The following EPB41L5 variants were observed in gnomAD, a reference collection of about 807,000 sequenced individuals.
The protein encoded by EPB41L5 is band 4.1-like protein 5.
EPB41L5 carries 55 observed loss-of-function variants against 106.6 expected under a neutral mutation model. The ratio of observed to expected loss-of-function variants is 0.52; its 90% confidence interval spans 0.42 to 0.65. The LOEUF (loss-of-function observed/expected upper bound fraction) is 0.65, where lower values mean the gene tolerates loss of function less well. EPB41L5 is among the 30% of genes least tolerant of loss of function. The pLI is 0.00. For synonymous variants in EPB41L5, 297 were observed against 306.7 expected (o/e 0.97, Z 0.33); for missense variants, 871 against 882.1 (o/e 0.99, Z 0.16).
chr2:120,115,198 T>A (rs560022622), intron 16 of EPB41L5, among the ~76,000 whole-genome samples: 2 of 152,348 alleles, frequency 1.3e-5, no homozygotes, highest in Admixed American at 6.5e-5. Flanking sequence ...TCATGTTTTT[T>A]AATTCATTTT....
intron 18 of EPB41L5, among the ~76,000 whole-genome samples, chr2:120,132,214 A>T (rs1403323734): frequency 6.6e-6 from 1 of 152,176 alleles, no homozygotes; most frequent in Non-Finnish European, 1.5e-5. Flanking sequence ...TTTGGCTATG[A>T]TTTTCTTATT....
intron 20 of EPB41L5, among the ~76,000 whole-genome samples, chr2:120,149,798 A>C (rs79085022): frequency 0.013 from 2,030 of 152,180 alleles, 36 homozygotes; most frequent in African/African-American, 0.047. Flanking sequence ...AGGAACTGCC[A>C]AACTGTTTTC....
chr2:120,128,007 A>G (rs1685534756), intron 17 of EPB41L5, 156 bp downstream of exon 17: 1 of 539,444 alleles, frequency 1.9e-6, no homozygotes, highest in Non-Finnish European at 3.0e-6. Flanking sequence ...GACTTAAGGT[A>G]ACACTGAAAT....
At position 120,164,823 on chromosome 2, in the gene EPB41L5, C is replaced by T. The variant is rs1169747975; in HGVS notation, c.1888-13C>T. On this transcript the variant is annotated splice_polypyrimidine_tract_variant and intron_variant, in intron 21 of 24. Transcript: ENST00000263713. ...GGGGTCATTTAACAATTCTAGATTC[C>T]TGTCTTCCATAGGAAGCTACAGATG... is the stretch of plus-strand genomic sequence containing the variant. The T allele has an allele frequency of 1.3e-6, 2 of 1,591,176 alleles. No homozygotes were observed. Among genetic ancestry groups the T allele is most frequent in the Admixed American group, 1.8e-5 (1 of 55,408 alleles).
chr2:120,097,857 A>G (rs1170919245), intron 14 of EPB41L5, among the ~76,000 whole-genome samples: 2 of 152,220 alleles, frequency 1.3e-5, no homozygotes, highest in African/African-American at 2.4e-5. Context: ...ATTTCATACA[A>G]TTTAAAACAG....
At chr2:120,051,317 C>G (rs1411580795) in intron 3 of EPB41L5, among the ~76,000 whole-genome samples, 1 of 152,196 alleles carries the variant, frequency 6.6e-6, no homozygotes, top group Non-Finnish European at 1.5e-5. Flanking sequence ...TTCAAGCTTC[C>G]TAGCAGCTTT....
chr2:120,076,469 A>AC (rs1682244267), intron 7 of EPB41L5, among the ~76,000 whole-genome samples: 4 of 24,256 alleles, frequency 1.6e-4, no homozygotes, highest in Admixed American at 4.2e-4. Flanking sequence ...TAATTTTTGT[A>AC]CTTTTTTTTT....
At chr2:120,127,666 A>C in intron 16 of EPB41L5, 22 bp from the exon 17 acceptor site, 1 of 1,551,198 alleles carries the variant, frequency 6.4e-7, no homozygotes, top group Non-Finnish European at 8.8e-7. Context: ...TGGTCTAAGT[A>C]AATTTTCTAT....
intron 1 of EPB41L5, among the ~76,000 whole-genome samples, chr2:120,014,761 C>T (rs939722910): frequency 1.1e-4 from 17 of 151,980 alleles, no homozygotes; most frequent in Admixed American, 2.0e-4. Context: ...AGCAAGAGTA[C>T]AAGAGCAGAG....
intron 16 of EPB41L5, 88 bp from the exon 17 acceptor site, chr2:120,127,600 T>C: frequency 9.7e-7 from 1 of 1,032,674 alleles, no homozygotes; most frequent in East Asian, 2.6e-5. Flanking sequence ...ACAGATGTGG[T>C]GGAAATTGCA....
intron 3 of EPB41L5, among the ~76,000 whole-genome samples, chr2:120,053,157 T>G (rs1162615639): frequency 1.3e-5 from 2 of 152,212 alleles, no homozygotes. Context: ...ATTGTGAAAC[T>G]TGTCACCTTA....
chr2:120,048,326 C>T (rs1255490412), intron 3 of EPB41L5, among the ~76,000 whole-genome samples: 1 of 152,118 alleles, frequency 6.6e-6, no homozygotes, highest in Non-Finnish European at 1.5e-5. Context: ...TAGTTATTGC[C>T]TCAATTTCAG....
chr2:120,059,568 G>C (rs1680886057), intron 3 of EPB41L5, among the ~76,000 whole-genome samples: 1 of 152,180 alleles, frequency 6.6e-6, no homozygotes, highest in East Asian at 1.9e-4. Flanking sequence ...GAAAGTATTC[G>C]TATATCACAC....
At chr2:120,103,142 A>T (rs1684247044) in intron 16 of EPB41L5, among the ~76,000 whole-genome samples, 1 of 152,240 alleles carries the variant, frequency 6.6e-6, no homozygotes, top group South Asian at 2.1e-4. Flanking sequence ...AGTTAGAAAG[A>T]TAACACTTAT....
intron 17 of EPB41L5, among the ~76,000 whole-genome samples, chr2:120,131,354 G>A (rs1387247737): frequency 6.6e-6 from 1 of 152,176 alleles, no homozygotes; most frequent in Non-Finnish European, 1.5e-5. Context: ...AACCACACAT[G>A]CTAGGGAGAT....
intron 20 of EPB41L5, among the ~76,000 whole-genome samples, chr2:120,150,988 T>C (rs1054295930): frequency 6.6e-6 from 1 of 152,210 alleles, no homozygotes; most frequent in Non-Finnish European, 1.5e-5. Context: ...GGCTAGAACT[T>C]CCAGTATAGG....
At chr2:120,080,916 T>C (rs1461827557) in intron 10 of EPB41L5, among the ~76,000 whole-genome samples, 1 of 152,238 alleles carries the variant, frequency 6.6e-6, no homozygotes, top group Non-Finnish European at 1.5e-5. Context: ...TTTTGCGAAA[T>C]GTCTGTTCAT....
intron 3 of EPB41L5, among the ~76,000 whole-genome samples, chr2:120,053,795 T>C (rs974741169): frequency 2.0e-5 from 3 of 152,212 alleles, no homozygotes; most frequent in Non-Finnish European, 4.4e-5. Flanking sequence ...AGGCTGGGCA[T>C]GGTGGTCTGT....
intron 3 of EPB41L5, among the ~76,000 whole-genome samples, chr2:120,063,102 G>A (rs1681190626): frequency 6.6e-6 from 1 of 152,126 alleles, no homozygotes; most frequent in Non-Finnish European, 1.5e-5. Context: ...CACTTTGGAA[G>A]GCTGAGGTGG....
Sources: allele counts gnomAD v4.1 joint callset (sites outside exome capture counted in the v4.1 genomes callset), GRCh38; gene constraint gnomAD v4.1.1; transcripts MANE v1.5; gene names NCBI Gene and HGNC (gene_info 2026-07-23, HGNC 2026-07-21).